Variants in CNOT9 observed in about 807,000 individuals in gnomAD.
CNOT9 encodes the protein CCR4-NOT transcription complex subunit 9, also known as RCD1 required for cell differentiation1 homolog.
Under a neutral mutation model 37.4 loss-of-function variants are expected in CNOT9, and 8 were observed. The ratio of observed to expected loss-of-function variants is 0.21; its 90% CI spans 0.13 to 0.39. CNOT9 has a LOEUF of 0.39. Ranked by LOEUF, CNOT9 falls within the 10% of genes least tolerant of loss-of-function variation. The pLI is 1.00. For missense variants in CNOT9, 154 were observed against 365.3 expected (o/e 0.42, Z 4.71); for synonymous variants, 120 against 137.6 (o/e 0.87, Z 0.90).
rs1308533086 is a variant in CNOT9, at chr2:218,584,732, A to G, written c.430+11A>G. The G allele has an allele frequency of 1.3e-6, 2 of 1,584,364 alleles. No homozygotes were observed. The highest frequency in any genetic ancestry group is 1.7e-5 in the Admixed American group (1 of 59,980). ...GCCTTGGAGTTATTGGTAAGTTATT[A>G]GAATTGTTTTGCAAGCCTGAAATAC... On this transcript the variant is annotated intron_variant, in intron 4 of 7. Coordinates refer to ENST00000273064, the MANE Select transcript of CNOT9 (RefSeq NM_005444.3).
chr2:218,571,593 TAG>T (rs1374434096), intron 1 of CNOT9, among the ~76,000 whole-genome samples: 1 of 149,250 alleles, frequency 6.7e-6, no homozygotes, highest in Non-Finnish European at 1.5e-5. Context: ...TTTTTTGAGA[TAG>T]AGTTTTGCTC....
intron 2 of CNOT9, 48 bp downstream of exon 2, chr2:218,580,788 G>A: frequency 6.6e-7 from 1 of 1,520,706 alleles, no homozygotes. Context: ...CATTACACTT[G>A]TATATTTCTT....
chr2:218,580,567 C>T lies in CNOT9; in HGVS notation c.31C>T (p.Pro11Ser). MHSLATAAPV[P>S]TTLAQVDREK... The stretch of plus-strand genomic sequence containing the variant: ...TTCTTGTCTTCATCTGAAGCCTGTG[C>T]CTACTACACTGGCACAAGTGGATAG... The change falls in exon 2 of 8, where the codon CCT becomes TCT. Residue 11 changes from proline to serine, a missense_variant. By Grantham distance (74) the Pro-to-Ser change is moderately conservative. Transcript: ENST00000273064. 1.2e-6 allele frequency: 2 copies of T among 1,609,804 alleles called. No individual in the cohort carries two copies. Among genetic ancestry groups the T allele is most frequent in the Non-Finnish European group, 1.7e-6 (2 of 1,177,802 alleles).
chr2:218,594,503 C>T lies in CNOT9; in HGVS notation c.*227C>T. Reference sequence around the variant, plus strand: ...ACTCCCAGGAAATGGGCTCCTGACACAGCAGTCTGCCACCACAGCCCCAGG... The same window carrying T: ...ACTCCCAGGAAATGGGCTCCTGACATAGCAGTCTGCCACCACAGCCCCAGG... On this transcript the variant is annotated 3_prime_UTR_variant, in exon 8 of 8. Transcript: ENST00000273064. 1.8e-6 allele frequency: 1 copy of T among 546,736 alleles called. No homozygotes were observed. The highest frequency in any genetic ancestry group is 3.2e-6 in the Non-Finnish European group (1 of 308,846). The allele number at this position is 546,736 out of a possible 1,614,324, so 33.9% of individuals were successfully genotyped here.
At chr2:218,581,332 C>G (rs1282374499) in intron 2 of CNOT9, among the ~76,000 whole-genome samples, 2 of 143,176 alleles carry the variant, frequency 1.4e-5, no homozygotes, top group African/African-American at 5.1e-5. Context: ...CCATGCCTGG[C>G]TTTTTTTTTT....
rs1421539042 is a variant in CNOT9, at chr2:218,595,142, G to A, written c.*866G>A. 1 of 152,134 alleles carries A rather than the reference G, an allele frequency of 6.6e-6. No individual in the cohort carries two copies. The highest frequency in any genetic ancestry group is 1.5e-5 in the Non-Finnish European group (1 of 68,030). 9.4% of individuals were successfully genotyped at this position (152,134 alleles called of 1,614,324 possible). Reference sequence around the variant, plus strand: ...TAAAACAGATGTCTTAATTAATCAGGCTGTCTTGGAAGGGTATTGTATTGG... The same window carrying A: ...TAAAACAGATGTCTTAATTAATCAGACTGTCTTGGAAGGGTATTGTATTGG... On this transcript the variant is annotated 3_prime_UTR_variant, in exon 8 of 8. Transcript: ENST00000273064.
At chr2:218,581,199 C>T (rs1240424692) in intron 2 of CNOT9, 10 of 294,926 alleles carry the variant, frequency 3.4e-5, no homozygotes, top group African/African-American at 1.2e-4. Context: ...GACGGAATCT[C>T]GCTCTGTCGC....
intron 1 of CNOT9, among the ~76,000 whole-genome samples, chr2:218,580,164 TC>T (rs954701681): frequency 6.6e-5 from 10 of 152,232 alleles, no homozygotes; most frequent in South Asian, 2.1e-4. Flanking sequence ...AGACGGGGTT[TC>T]GCCATGTTGG....
At chr2:218,577,541 G>A (rs2106082884) in intron 1 of CNOT9, among the ~76,000 whole-genome samples, 1 of 152,302 alleles carries the variant, frequency 6.6e-6, no homozygotes, top group South Asian at 2.1e-4. Context: ...GGTGTCCATG[G>A]CTTTAGGAAC....
chr2:218,584,367 CT>C (rs556375426), intron 3 of CNOT9, among the ~76,000 whole-genome samples: 1 of 152,132 alleles, frequency 6.6e-6, no homozygotes, highest in South Asian at 2.1e-4. Context: ...GCCAATAGTG[CT>C]TCATAATCCT....
chr2:218,591,765 AAG>A (rs1694784252), intron 5 of CNOT9, among the ~76,000 whole-genome samples: 1 of 152,068 alleles, frequency 6.6e-6, no homozygotes, highest in Admixed American at 6.6e-5. Flanking sequence ...GAAAAGAAAA[AAG>A]AAAGAAAGGC....
chr2:218,571,015 A>G (rs1403294250), intron 1 of CNOT9, among the ~76,000 whole-genome samples: 1 of 152,180 alleles, frequency 6.6e-6, no homozygotes. Flanking sequence ...TCAATTCTTC[A>G]TGCCTTCCGT....
rs185750356 is a variant in CNOT9, at chr2:218,592,471, A to G, written c.639+69A>G. The G allele has an allele frequency of 2.7e-3, 4,013 of 1,486,882 alleles. 117 individuals carry two copies. In the South Asian group the frequency reaches 0.043, roughly 16 times the overall value. 92.1% of individuals were successfully genotyped at this position (1,486,882 alleles called of 1,614,324 possible). A position where few individuals can be genotyped will look rare whatever the true frequency, so the allele number is the denominator to read the frequency against. The stretch of plus-strand genomic sequence containing the variant: ...AAAGCTTAATCTCTTTATAACTGGC[A>G]TTGAACAACTTCAGTCCTCTGACTA... On this transcript the variant is annotated intron_variant, in intron 6 of 7. Transcript: ENST00000273064. This position sits in a 1 kb window ranked among gnomAD's most constrained non-coding sequence, Gnocchi z 4.1.
chr2:218,581,869 C>T (rs947881917), intron 2 of CNOT9, among the ~76,000 whole-genome samples: 2 of 152,022 alleles, frequency 1.3e-5, no homozygotes, highest in Non-Finnish European at 2.9e-5. Flanking sequence ...ATTGCTTGAG[C>T]CCAGGAGTTT....
intron 4 of CNOT9, among the ~76,000 whole-genome samples, chr2:218,585,961 A>G (rs1694582526): frequency 6.6e-6 from 1 of 152,154 alleles, no homozygotes; most frequent in African/African-American, 2.4e-5. Flanking sequence ...TTAAACTGCC[A>G]TTTATAACAG....
Position 218,594,295 on chromosome 2 carries a change from C to CACT in CNOT9, c.*23_*25dup. 6.3e-7 allele frequency: 1 copy of CACT among 1,589,692 alleles called. No homozygotes were observed. The highest frequency in any genetic ancestry group is 1.1e-5 in the South Asian group (1 of 88,888). On this transcript the variant is annotated 3_prime_UTR_variant, in exon 8 of 8. Transcript: ENST00000273064. The stretch of plus-strand genomic sequence containing the variant: ...TCAGTGATCCTTCCCTGTTCCCTCC[C>CACT]ACTACTCCCCCAAGTTGGGGAAAGG...
intron 5 of CNOT9, among the ~76,000 whole-genome samples, chr2:218,591,609 G>C (rs905334207): frequency 1.2e-4 from 19 of 152,078 alleles, no homozygotes; most frequent in African/African-American, 4.3e-4. Flanking sequence ...CAGGCATGGT[G>C]GCAGGAGCCT....
At chr2:218,590,101 T>G (rs1393883537) in intron 5 of CNOT9, among the ~76,000 whole-genome samples, 9 of 152,060 alleles carry the variant, frequency 5.9e-5, no homozygotes, top group Non-Finnish European at 4.4e-5. Context: ...ACAGTCTCAC[T>G]CTGTCACCCA....
intron 1 of CNOT9, among the ~76,000 whole-genome samples, chr2:218,577,411 G>C (rs1694210198): frequency 6.6e-6 from 1 of 152,180 alleles, no homozygotes; most frequent in Admixed American, 6.5e-5. Flanking sequence ...CACCAAGCTA[G>C]TGCCCATGGG....
Sources: gnomAD v4.1 joint callset for allele counts (sites outside exome capture counted in the v4.1 genomes callset) on GRCh38, gnomAD v4.1.1 for gene constraint, Gnocchi (gnomAD v3.1) non-coding constraint, MANE v1.5 for transcripts, NCBI Gene and HGNC (gene_info 2026-07-23, HGNC 2026-07-21) for gene names.